The following MTMR14 variants were observed in gnomAD, a reference collection of about 807,000 sequenced individuals.
MTMR14 encodes the protein phosphatidylinositol-3,5-bisphosphate 3-phosphatase MTMR14.
Under a neutral mutation model 86.3 loss-of-function variants are expected in MTMR14, and 48 were observed. The ratio of observed to expected loss-of-function variants is 0.56; its 90% CI spans 0.44 to 0.71. The LOEUF (loss-of-function observed/expected upper bound fraction) is 0.71. MTMR14 is among the 30% of genes least tolerant of loss of function. The pLI is 0.00. For missense variants in MTMR14, 780 were observed against 834.6 expected (o/e 0.93, Z 0.81); for synonymous variants, 366 against 326.1 (o/e 1.12, Z -1.32).
chr3:9,659,125 C>A (rs2047774550), intron 2 of MTMR14, among the ~76,000 whole-genome samples: 1 of 152,154 alleles, frequency 6.6e-6, no homozygotes, highest in Non-Finnish European at 1.5e-5. Context: ...GTCCCAGCTA[C>A]CTGGGAGTCT....
rs2048533678 is a variant in MTMR14, at chr3:9,670,919, G to A, written c.555-129G>A. The A allele has an allele frequency of 2.5e-6, 3 of 1,187,884 alleles. No homozygotes were observed. In the South Asian group the frequency reaches 3.7e-5, roughly 14 times the overall value. 73.6% of individuals were successfully genotyped at this position (1,187,884 alleles called of 1,614,324 possible). On this transcript the variant is annotated intron_variant, in intron 5 of 18. Transcript: ENST00000296003. ...ATCAGTTGTCCTGTTTGGCACCCAT[G>A]CGTCCACCTAGCACACGCCCCAGCT...
intron 17 of MTMR14, among the ~76,000 whole-genome samples, chr3:9,695,987 C>A (rs1034903125): frequency 6.6e-6 from 1 of 152,172 alleles, no homozygotes; most frequent in Non-Finnish European, 1.5e-5. Context: ...CTGTCGGGCC[C>A]TAGGGGCTTC....
Position 9,677,346 on chromosome 3 carries a change from C to G in MTMR14, c.781C>G (p.Arg261Gly), listed in dbSNP as rs758396423. ...GCEFFKEYKD[R>G]DYMAEGLIFN... is the part of the protein sequence containing the mutation. ...TGAATTTTTCAAGGAATATAAAGAT[C>G]GGGATTACATGGCAGAAGGGCTCAT... Residue 261 changes from arginine to glycine, a missense_variant, in exon 8 of 19, where the codon CGG becomes GGG. Coordinates refer to ENST00000296003, the MANE Select transcript of MTMR14 (RefSeq NM_001077525.3). The surrounding 1 kb of genome is among the most constrained non-coding windows in gnomAD (Gnocchi z 4.2). The G allele has an allele frequency of 1.9e-6, 3 of 1,613,970 alleles. No individual in the cohort carries two copies. Among genetic ancestry groups the G allele is most frequent in the Non-Finnish European group, 2.5e-6 (3 of 1,179,940 alleles).
chr3:9,690,918 T>C (rs1189804075), intron 17 of MTMR14, among the ~76,000 whole-genome samples: 2 of 152,196 alleles, frequency 1.3e-5, no homozygotes, highest in African/African-American at 4.8e-5. Context: ...AGCTTTGGCA[T>C]CCATCCCAGG....
At position 9,702,154 on chromosome 3, in the gene MTMR14, G is replaced by A; in HGVS notation, c.*181G>A. ...CAAAGACAGGGTTTTCCAACCCCCA[G>A]CCTCTTGACTGGTGACCACCACCCC... is the stretch of plus-strand genomic sequence containing the variant. On this transcript the variant is annotated 3_prime_UTR_variant, in exon 19 of 19. Coordinates refer to ENST00000296003, the MANE Select transcript of MTMR14 (RefSeq NM_001077525.3). 1 of 743,832 alleles carries A rather than the reference G, an allele frequency of 1.3e-6. No individual in the cohort carries two copies. The highest frequency in any genetic ancestry group is 2.3e-6 in the Non-Finnish European group (1 of 440,420). The allele number at this position is 743,832 out of a possible 1,614,324, so 46.1% of individuals were successfully genotyped here.
At chr3:9,673,761 C>G (rs982088163) in intron 7 of MTMR14, among the ~76,000 whole-genome samples, 4 of 151,682 alleles carry the variant, frequency 2.6e-5, no homozygotes, top group East Asian at 1.9e-4. Context: ...AGCATCAGTT[C>G]CCTCCTTAAT....
chr3:9,652,400 CTT>C (rs1173853483), intron 1 of MTMR14, among the ~76,000 whole-genome samples: 5 of 152,162 alleles, frequency 3.3e-5, no homozygotes, highest in Admixed American at 3.3e-4. Context: ...TATAAAGAGA[CTT>C]TGCAGCTTTT....
chr3:9,661,312 C>T (rs1195367920), intron 2 of MTMR14, among the ~76,000 whole-genome samples: 1 of 152,184 alleles, frequency 6.6e-6, no homozygotes, highest in Admixed American at 6.5e-5. Flanking sequence ...ACTGTTCCAC[C>T]TCAGATCATG....
At chr3:9,694,615 T>C (rs1270657554) in intron 17 of MTMR14, among the ~76,000 whole-genome samples, 1 of 152,182 alleles carries the variant, frequency 6.6e-6, no homozygotes, top group Non-Finnish European at 1.5e-5. Context: ...AAACTGTAGC[T>C]GTGGTTAAGG....
intron 2 of MTMR14, among the ~76,000 whole-genome samples, chr3:9,660,251 G>C (rs1335965261): frequency 6.6e-6 from 1 of 151,800 alleles, no homozygotes; most frequent in East Asian, 1.9e-4. Flanking sequence ...GCCACCCTAC[G>C]GGCACTTTGC....
chr3:9,675,683 T>TA, intron 7 of MTMR14: 1 of 457,386 alleles, frequency 2.2e-6, no homozygotes, highest in Non-Finnish European at 4.4e-6. Flanking sequence ...TAATGAACAT[T>TA]AGGCATTTGC....
intron 10 of MTMR14, chr3:9,683,714 C>G (rs2075846260): frequency 6.3e-6 from 1 of 159,354 alleles, no homozygotes; most frequent in Non-Finnish European, 1.4e-5. Flanking sequence ...GACTCTAAAT[C>G]CCTGGTAGCA....
chr3:9,685,147 C>G, intron 12 of MTMR14, 64 bp from the exon 13 acceptor site: 1 of 1,606,898 alleles, frequency 6.2e-7, no homozygotes, highest in African/African-American at 1.3e-5. Flanking sequence ...GTCTGGTGAC[C>G]CTGTCCTCTT....
intron 13 of MTMR14, among the ~76,000 whole-genome samples, 176 bp downstream of exon 13, chr3:9,685,423 CTG>C (rs1383471707): frequency 6.6e-6 from 1 of 152,178 alleles, no homozygotes; most frequent in Non-Finnish European, 1.5e-5. Context: ...CACAGTAGCT[CTG>C]TGTTCTGGGC....
chr3:9,667,690 G>A (rs989445984), intron 3 of MTMR14, among the ~76,000 whole-genome samples: 2 of 151,976 alleles, frequency 1.3e-5, no homozygotes, highest in Non-Finnish European at 2.9e-5. Flanking sequence ...CTGTCCCCAC[G>A]TCCCCACCCC....
In MTMR14 at chr3:9,690,066, T is replaced by C. The variant is rs776030508; in HGVS notation, c.1536T>C (p.Ser512=). Residue 512 remains serine (S), a synonymous_variant, in exon 17 of 19, where the codon TCT becomes TCC. Coordinates refer to ENST00000296003, the MANE Select transcript of MTMR14 (RefSeq NM_001077525.3). ...AGCAGGGGCTGGCGGAAGCCAGGTCTTCCAGCTCCTCTTCCTCAAACCATT... is the reference window on the plus strand; with the variant it reads ...AGCAGGGGCTGGCGGAAGCCAGGTCCTCCAGCTCCTCTTCCTCAAACCATT... ...PSQQGLAEAR[S]SSSSSSNHSD... 6.2e-7 allele frequency: 1 copy of C among 1,613,406 alleles called. No homozygotes were observed. The highest frequency in any genetic ancestry group is 8.5e-7 in the Non-Finnish European group (1 of 1,180,004).
chr3:9,702,187 C>T lies in MTMR14; in HGVS notation c.*214C>T. 1.6e-6 allele frequency: 1 copy of T among 620,122 alleles called. No homozygotes were observed. The highest frequency in any genetic ancestry group is 2.9e-6 in the Non-Finnish European group (1 of 345,306). The allele number at this position is 620,122 out of a possible 1,614,324, so 38.4% of individuals were successfully genotyped here. A position where few individuals can be genotyped will look rare whatever the true frequency, so the allele number is the denominator to read the frequency against. On this transcript the variant is annotated 3_prime_UTR_variant, in exon 19 of 19. Coordinates refer to ENST00000296003, the MANE Select transcript of MTMR14 (RefSeq NM_001077525.3). ...ACTGGTGACCACCACCCCTTCTTGTCACTGTCTCCCACCCACCCCATCTTT... is the reference window on the plus strand; with the variant it reads ...ACTGGTGACCACCACCCCTTCTTGTTACTGTCTCCCACCCACCCCATCTTT...
At chr3:9,693,225 T>G (rs1471628235) in intron 17 of MTMR14, among the ~76,000 whole-genome samples, 2 of 152,190 alleles carry the variant, frequency 1.3e-5, no homozygotes, top group Non-Finnish European at 2.9e-5. Flanking sequence ...ACATTCAAGA[T>G]AACATAAACA....
At chr3:9,668,127 C>T (rs1269255854) in intron 3 of MTMR14, among the ~76,000 whole-genome samples, 1 of 152,164 alleles carries the variant, frequency 6.6e-6, no homozygotes. Flanking sequence ...ATTCTCTTAA[C>T]AGTGATCCCT....
Sources: allele counts gnomAD v4.1 joint callset (sites outside exome capture counted in the v4.1 genomes callset), GRCh38; gene constraint gnomAD v4.1.1; non-coding constraint Gnocchi (gnomAD v3.1); transcripts MANE v1.5; gene names NCBI Gene and HGNC (gene_info 2026-07-23, HGNC 2026-07-21).